The following CHAT variants were observed in gnomAD, a reference collection of about 807,000 sequenced individuals.
CHAT encodes choline O-acetyltransferase, also known as acetyl CoA:choline O-acetyltransferase.
Under a neutral mutation model 76.9 loss-of-function variants are expected in CHAT, and 61 were observed. The ratio of observed to expected loss-of-function variants is 0.79; its 90% CI spans 0.65 to 0.98. CHAT has a LOEUF of 0.98. Ranked by LOEUF, CHAT falls within the 50% of genes least tolerant of loss-of-function variation. The pLI is 0.00. For missense variants in CHAT, 946 were observed against 986.9 expected, an observed-to-expected ratio of 0.96 and a Z score of 0.56; for synonymous variants, 407 against 397.4, an observed-to-expected ratio of 1.02 and a Z score of -0.29.
intron 7 of CHAT, among the ~76,000 whole-genome samples, chr10:49,639,251 AAAAC>A (rs757365177): frequency 6.6e-6 from 1 of 152,118 alleles, no homozygotes; most frequent in South Asian, 2.1e-4. Flanking sequence ...ACCAAAACCA[AAAAC>A]AAACAAACAA....
rs1409154681 is a variant in CHAT at position 49,614,435 on chromosome 10, C to A, written c.246C>A (p.Cys82Ter). Residue 82 changes from cysteine to a stop codon, truncating the protein, a stop_gained, in exon 1 of 15, where the codon TGC becomes TGA. Transcript: ENST00000337653. LOFTEE classifies it high-confidence loss of function. The stretch of plus-strand genomic sequence containing the variant: ...CCCCCGCCCACACTCCTGAGTGGTG[C>A]GGTGCAGCGTCGGCCGAGGCAGCAG... ...AHTPAHTPEWCGAASAEAAEP... is the reference protein window; with the variant it reads ...AHTPAHTPEW 2 of 1,547,676 alleles carry A rather than the reference C, an allele frequency of 1.3e-6. No individual in the cohort carries two copies. Among genetic ancestry groups the A allele is most frequent in the Non-Finnish European group, 1.7e-6 (2 of 1,146,830 alleles).
chr10:49,615,001 C>CACAG (rs141510055), intron 1 of CHAT, among the ~76,000 whole-genome samples: 149,096 of 152,230 alleles, frequency 0.98, 73,082 homozygotes, highest in East Asian at 1. Flanking sequence ...AGGCACAAAA[C>CACAG]ACAAACAGAC....
chr10:49,625,031 A>G (rs1401044800), intron 5 of CHAT, among the ~76,000 whole-genome samples: 1 of 152,186 alleles, frequency 6.6e-6, no homozygotes, highest in East Asian at 1.9e-4. Flanking sequence ...GGATAGGCAC[A>G]AGGCATGCTG....
intron 4 of CHAT, among the ~76,000 whole-genome samples, chr10:49,621,169 A>G (rs759319618): frequency 2.0e-5 from 3 of 152,168 alleles, no homozygotes; most frequent in Non-Finnish European, 1.5e-5. Flanking sequence ...TCCCTTCTGG[A>G]GTCACTCAGA....
chr10:49,626,723 C>T (rs892893106), intron 6 of CHAT, among the ~76,000 whole-genome samples: 1 of 152,170 alleles, frequency 6.6e-6, no homozygotes, highest in Non-Finnish European at 1.5e-5. Flanking sequence ...ACAGACACTG[C>T]TAGGGGGTTG....
At chr10:49,648,071 A>G in intron 8 of CHAT, 1 of 232,270 alleles carries the variant, frequency 4.3e-6, no homozygotes, top group Non-Finnish European at 8.5e-6. Flanking sequence ...CTCTGTGGGA[A>G]GTGAGTTTCT....
intron 9 of CHAT, 76 bp from the exon 10 acceptor site, chr10:49,649,432 T>G: frequency 6.2e-7 from 1 of 1,606,360 alleles, no homozygotes; most frequent in Admixed American, 1.7e-5. Flanking sequence ...CTAAGATGAT[T>G]GCACAGAGCA....
chr10:49,616,432 C>T (rs560152967), intron 1 of CHAT, 70 bp from the exon 2 acceptor site: 26 of 1,204,348 alleles, frequency 2.2e-5, no homozygotes, highest in African/African-American at 3.0e-5. Context: ...GGTCTGTTGG[C>T]GGGAGGTGGA....
In CHAT at chr10:49,666,512, C is replaced by T. The variant is rs1418820063; in HGVS notation, c.*1466C>T. On this transcript the variant is annotated 3_prime_UTR_variant, in exon 15 of 15. Transcript: ENST00000337653. ...TCCAATCCTGCTGCTTCCTGCTGAG[C>T]ACTCTGCTCTAGCCCAGCAATCCTG... Among the ~76,000 whole-genome samples, 2 of 152,234 alleles carry T rather than the reference C, an allele frequency of 1.3e-5. No homozygotes were observed. Among genetic ancestry groups the T allele is most frequent in the South Asian group, 2.1e-4 (1 of 4,830 alleles).
At chr10:49,615,799 G>A (rs898478691) in intron 1 of CHAT, 2 of 549,318 alleles carry the variant, frequency 3.6e-6, no homozygotes, top group Admixed American at 6.3e-5. Flanking sequence ...TAGGGGCCCT[G>A]GCTGCCCAGC....
At chr10:49,610,920 C>A, upstream of CHAT, 1 of 1,611,548 alleles carries the variant, frequency 6.2e-7, no homozygotes, top group African/African-American at 1.3e-5. Context: ...TGCCCGACTA[C>A]ATCGCCCACA....
intron 9 of CHAT, among the ~76,000 whole-genome samples, chr10:49,649,292 A>G (rs571513127): frequency 1.8e-4 from 27 of 152,186 alleles, no homozygotes; most frequent in Non-Finnish European, 2.6e-4. Flanking sequence ...AGTCAGGCGG[A>G]ACTGGATGGA....
intron 7 of CHAT, among the ~76,000 whole-genome samples, chr10:49,645,857 T>C (rs1839643116): frequency 6.6e-6 from 1 of 152,160 alleles, no homozygotes; most frequent in Non-Finnish European, 1.5e-5. Flanking sequence ...GGAGCTCCTT[T>C]GGATCCATGA....
At chr10:49,612,152 A>G (rs756580245), upstream of CHAT, 27 of 1,611,498 alleles carry the variant, frequency 1.7e-5, no homozygotes, top group South Asian at 5.5e-5. Context: ...CTGCTCCGCA[A>G]CGTGGGCCTC....
chr10:49,619,855 G>A lies in CHAT; in HGVS notation c.518G>A (p.Gly173Asp), dbSNP rs1838637489. The change falls in exon 3 of 15, where the codon GGT (glycine) becomes GAT (aspartate). Residue 173 changes from glycine (G) to aspartate (D), a missense_variant. Physicochemically the swap from Gly to Asp is moderately conservative, Grantham distance 94. Coordinates refer to ENST00000337653, the MANE Select transcript of CHAT (RefSeq NM_020549.5). ...ATTGTGCAGCAGTTTGGGGCCCCTG[G>A]TGGCCTCGGCGAGACCCTGCAGCAG... Reference protein sequence around the residue: ...QAIVQQFGAPGGLGETLQQKL... With the variant: ...QAIVQQFGAPDGLGETLQQKL... 2 of 1,613,640 alleles carry A rather than the reference G, an allele frequency of 1.2e-6. No individual in the cohort carries two copies. Among genetic ancestry groups the A allele is most frequent in the African/African-American group, 2.7e-5 (2 of 75,042 alleles).
chr10:49,612,270 G>A (rs1838321627), upstream of CHAT: 1 of 1,610,872 alleles, frequency 6.2e-7, no homozygotes, highest in South Asian at 1.1e-5. Flanking sequence ...AGGACGGCGA[G>A]CCTCGCAGCC....
At position 49,616,498 on chromosome 10, in the gene CHAT, C is replaced by G. The variant is rs779267880; in HGVS notation, c.287-4C>G. The G allele has an allele frequency of 1.5e-5, 24 of 1,609,182 alleles. No individual in the cohort carries two copies. The highest frequency in any genetic ancestry group is 1.2e-4 in the African/African-American group (9 of 74,712). On this transcript the variant is annotated splice_region_variant and splice_polypyrimidine_tract_variant and intron_variant, in intron 1 of 14. Transcript: ENST00000337653. ...GTTGATGCTTCCCACTTCTTGGTCC[C>G]CAGGTCCACACCTCTGCATCCCTGC...
intron 10 of CHAT, 93 bp downstream of exon 10, chr10:49,649,729 A>T: frequency 7.1e-7 from 1 of 1,403,490 alleles, no homozygotes; most frequent in Non-Finnish European, 1.0e-6. Context: ...GTTTCCAAAG[A>T]CCCCAGCTCC....
At chr10:49,633,841 T>C (rs375820608) in intron 7 of CHAT, among the ~76,000 whole-genome samples, 7 of 152,146 alleles carry the variant, frequency 4.6e-5, no homozygotes, top group African/African-American at 1.7e-4. Flanking sequence ...CCCGTAAATA[T>C]TTATCCCCGA....
Sources: gnomAD v4.1 joint callset for allele counts (sites outside exome capture counted in the v4.1 genomes callset) on GRCh38, gnomAD v4.1.1 for gene constraint, MANE v1.5 for transcripts, NCBI Gene and HGNC (gene_info 2026-07-23, HGNC 2026-07-21) for gene names.